PCBP3: variants seen among roughly 807,000 people sequenced by gnomAD.
PCBP3 encodes the protein poly(rC)-binding protein 3.
In PCBP3, 25 loss-of-function variants were observed where a neutral mutation model predicts 52.7. That is an observed-to-expected ratio of 0.47 (90% confidence interval 0.35 to 0.66). The LOEUF is 0.66. PCBP3 is among the 30% of genes least tolerant of loss of function. The pLI is 0.01. For synonymous variants in PCBP3, 162 were observed against 183.0 expected (o/e 0.89, Z 0.93); for missense variants, 391 against 490.3 (o/e 0.80, Z 1.91).
chr21:45,855,322 G>T (rs116738908), intron 5 of PCBP3, among the ~76,000 whole-genome samples: 2 of 152,118 alleles, frequency 1.3e-5, no homozygotes, highest in East Asian at 3.9e-4. Flanking sequence ...GGAAGCCCAC[G>T]GAGAGGGCTG....
rs1352762172 is a variant in PCBP3 at position 45,736,970 on chromosome 21, G to A, written c.-162+1541G>A. ...CAGCCCTGAGACACGGGGCATCTGC[G>A]CGAGTCTTGCTGGAGGTGCACGTGT... is the stretch of plus-strand genomic sequence containing the variant. On this transcript the variant is annotated intron_variant, in intron 3 of 17. Coordinates refer to ENST00000681687, the MANE Select transcript of PCBP3 (RefSeq NM_001384156.1). This position sits in a 1 kb window ranked among gnomAD's most constrained non-coding sequence, Gnocchi z 4.6. Among the ~76,000 whole-genome samples the A allele has an allele frequency of 1.3e-5, 2 of 152,076 alleles. No homozygotes were observed. The highest frequency in any genetic ancestry group is 4.8e-5 in the African/African-American group (2 of 41,390).
At chr21:45,885,579 G>A (rs1363469815) in intron 5 of PCBP3, among the ~76,000 whole-genome samples, 1 of 152,072 alleles carries the variant, frequency 6.6e-6, no homozygotes, top group African/African-American at 2.4e-5. Flanking sequence ...TGTGTCTTCG[G>A]TCTGTGTTCT....
Position 45,846,245 on chromosome 21 carries a change from A to G in PCBP3, c.-125-3716A>G, listed in dbSNP as rs113203595. Among the ~76,000 whole-genome samples the G allele has an allele frequency of 1.3e-4, 20 of 152,352 alleles. 1 individual carries two copies. Among genetic ancestry groups the G allele is most frequent in the African/African-American group, 4.8e-4 (20 of 41,580 alleles). On this transcript the variant is annotated intron_variant, in intron 4 of 17. Transcript: ENST00000681687. ...CTATATTGATAGATATACATCATGA[A>G]CCAGTTCCCCTTAGGTGTTTCTAAA...
chr21:45,911,256 G>T, intron 11 of PCBP3: 1 of 624,628 alleles, frequency 1.6e-6, no homozygotes, highest in Admixed American at 2.4e-5. Context: ...GGCGTCTAGG[G>T]GAGAGCATGT....
chr21:45,644,054 C>T (rs553810302), intron 1 of PCBP3, among the ~76,000 whole-genome samples, 186 bp downstream of exon 1: 3 of 149,944 alleles, frequency 2.0e-5, no homozygotes, highest in Admixed American at 2.0e-4. Flanking sequence ...TGCGGCGGCC[C>T]GGGGCAGCGA....
chr21:45,674,411 C>T (rs1341540275), intron 2 of PCBP3, among the ~76,000 whole-genome samples: 3 of 152,282 alleles, frequency 2.0e-5, no homozygotes, highest in South Asian at 4.1e-4. Flanking sequence ...CCTGTTTGCA[C>T]CTGCCCAAGA....
chr21:45,785,590 G>T (rs1240437097), intron 4 of PCBP3, among the ~76,000 whole-genome samples: 1 of 152,098 alleles, frequency 6.6e-6, no homozygotes, highest in Non-Finnish European at 1.5e-5. Context: ...CTACTGGGAA[G>T]TGAGGAGCCC....
chr21:45,881,902 A>G (rs1274523537), intron 5 of PCBP3, among the ~76,000 whole-genome samples: 2 of 152,124 alleles, frequency 1.3e-5, no homozygotes, highest in African/African-American at 4.8e-5. Context: ...TTCTGTGTGT[A>G]TGTCTGTGTG....
chr21:45,819,528 C>G (rs1356739650), intron 4 of PCBP3, among the ~76,000 whole-genome samples: 1 of 152,318 alleles, frequency 6.6e-6, no homozygotes, highest in African/African-American at 2.4e-5. Flanking sequence ...ACCCCAAGGC[C>G]GAGGCCGGCA....
chr21:45,720,360 G>A (rs2084540848), intron 2 of PCBP3, among the ~76,000 whole-genome samples: 1 of 152,064 alleles, frequency 6.6e-6, no homozygotes, highest in South Asian at 2.1e-4. Flanking sequence ...GAGAATGATG[G>A]TTTCCAGCTT....
rs772174189 is a variant in PCBP3 at position 45,899,586 on chromosome 21, T to G, written c.166-13T>G. The G allele has an allele frequency of 1.9e-6, 3 of 1,608,256 alleles. No individual in the cohort carries two copies. In the African/African-American group the frequency reaches 4.0e-5, roughly 21 times the overall value. On this transcript the variant is annotated splice_polypyrimidine_tract_variant and intron_variant, in intron 6 of 17. Transcript: ENST00000681687. Reference sequence around the variant, plus strand: ...TATGACATCATCTTTCTGTGATTTTTTTTTTCTTGCAGGAAGTTGGAAGCA... The same window carrying G: ...TATGACATCATCTTTCTGTGATTTTGTTTTTCTTGCAGGAAGTTGGAAGCA...
At chr21:45,646,083 T>TCTCTC (rs1206207801) in intron 1 of PCBP3, among the ~76,000 whole-genome samples, 11 of 99,622 alleles carry the variant, frequency 1.1e-4, no homozygotes, top group Non-Finnish European at 1.4e-4. Context: ...CTCTCTCTCT[T>TCTCTC]TCTCTCTCTC....
chr21:45,881,244 C>A (rs1259343786), intron 5 of PCBP3, among the ~76,000 whole-genome samples: 1 of 152,214 alleles, frequency 6.6e-6, no homozygotes, highest in South Asian at 2.1e-4. Flanking sequence ...TCTGAGCCAG[C>A]CTTGCATCAC....
At chr21:45,861,131 G>A (rs540764253) in intron 5 of PCBP3, among the ~76,000 whole-genome samples, 7 of 152,284 alleles carry the variant, frequency 4.6e-5, no homozygotes, top group Admixed American at 3.9e-4. Context: ...GCTGTGGCTT[G>A]GTGTGCAGCC....
At chr21:45,929,316 A>G (rs369416) in intron 13 of PCBP3, among the ~76,000 whole-genome samples, 63,989 of 151,982 alleles carry the variant, frequency 0.42, 15,040 homozygotes, top group African/African-American at 0.63. Context: ...TAATCCCAGG[A>G]AAGGCAAGAC....
intron 2 of PCBP3, among the ~76,000 whole-genome samples, chr21:45,702,634 A>T (rs8133338): frequency 3.9e-5 from 6 of 152,126 alleles, no homozygotes; most frequent in Non-Finnish European, 5.9e-5. Context: ...GTGAGTCATC[A>T]TCTTCTCACT....
At chr21:45,715,628 T>C (rs2084163568) in intron 2 of PCBP3, among the ~76,000 whole-genome samples, 1 of 152,208 alleles carries the variant, frequency 6.6e-6, no homozygotes, top group Admixed American at 6.5e-5. Context: ...CAATTTTGCA[T>C]GTCTTCACCA....
In PCBP3 at chr21:45,729,916, A is replaced by G. The variant is rs1407021932; in HGVS notation, c.-199-5476A>G. 3.3e-5 allele frequency among the ~76,000 whole-genome samples: 5 copies of G among 152,044 alleles called. No homozygotes were observed. In the South Asian group the frequency reaches 1.0e-3, roughly 31 times the overall value. On this transcript the variant is annotated intron_variant, in intron 2 of 17. Transcript: ENST00000681687. ...TTACAGGGATGTTCCACCATCTACC[A>G]TGCCTGGTTAATGTAAAAAAATTTT... is the stretch of plus-strand genomic sequence containing the variant.
chr21:45,807,873 A>T (rs759350569), intron 4 of PCBP3, among the ~76,000 whole-genome samples: 5 of 152,188 alleles, frequency 3.3e-5, no homozygotes, highest in Non-Finnish European at 7.4e-5. Flanking sequence ...AACAGAACAG[A>T]GGCCTCCGAT....
Sources: gnomAD v4.1 joint callset for allele counts (sites outside exome capture counted in the v4.1 genomes callset) on GRCh38, gnomAD v4.1.1 for gene constraint, Gnocchi (gnomAD v3.1) non-coding constraint, MANE v1.5 for transcripts, NCBI Gene and HGNC (gene_info 2026-07-23, HGNC 2026-07-21) for gene names.